EXT1: variants seen among roughly 807,000 people sequenced by gnomAD.
EXT1 encodes exostosin glycosyltransferase 1.
A neutral mutation model predicts 82.5 loss-of-function variants in EXT1; 20 were observed. That is an observed-to-expected ratio of 0.24 (90% CI 0.17 to 0.35). The LOEUF (loss-of-function observed/expected upper bound fraction) is 0.35, where lower values mean the gene tolerates loss of function less well. Among genes scored for constraint, EXT1 ranks in the 10% least tolerant of loss-of-function variants. The pLI is 1.00. For synonymous variants in EXT1, 348 were observed against 350.8 expected (o/e 0.99, Z 0.09); for missense variants, 757 against 936.5 (o/e 0.81, Z 2.50).
chr8:118,032,705 T>C (rs1006510031), intron 1 of EXT1, among the ~76,000 whole-genome samples: 9 of 151,970 alleles, frequency 5.9e-5, no homozygotes, highest in African/African-American at 1.9e-4. Flanking sequence ...GGACGAGGTT[T>C]CTCCACGTTG....
chr8:117,954,198 C>A (rs978575306), intron 1 of EXT1, among the ~76,000 whole-genome samples: 1 of 152,186 alleles, frequency 6.6e-6, no homozygotes, highest in East Asian at 1.9e-4. Flanking sequence ...CTCTGACTGC[C>A]CCTCAGGGGA....
intron 1 of EXT1, among the ~76,000 whole-genome samples, chr8:117,958,204 G>A (rs10808490): frequency 0.017 from 2,575 of 152,132 alleles, 70 homozygotes; most frequent in African/African-American, 0.056. Context: ...GAATGCCTCA[G>A]GACTTTTCTC....
intron 1 of EXT1, among the ~76,000 whole-genome samples, chr8:117,962,871 G>A (rs1300236797): frequency 6.6e-6 from 1 of 151,756 alleles, no homozygotes; most frequent in African/African-American, 2.4e-5. Flanking sequence ...GGCTGCAGTG[G>A]GCTGTAATTG....
chr8:117,948,601 T>A (rs913161040), intron 1 of EXT1, among the ~76,000 whole-genome samples: 1 of 152,226 alleles, frequency 6.6e-6, no homozygotes, highest in Non-Finnish European at 1.5e-5. Flanking sequence ...GAAATTTGTA[T>A]AGGAAATCCT....
chr8:118,065,834 T>C (rs112741203), intron 1 of EXT1, among the ~76,000 whole-genome samples: 32 of 152,246 alleles, frequency 2.1e-4, no homozygotes, highest in African/African-American at 5.1e-4. Flanking sequence ...AATCTTCCAC[T>C]GCACAGCAGA....
At chr8:117,930,549 T>A (rs547726119) in intron 1 of EXT1, among the ~76,000 whole-genome samples, 1 of 152,274 alleles carries the variant, frequency 6.6e-6, no homozygotes, top group East Asian at 1.9e-4. Context: ...GCTAGAGTGA[T>A]GTGGGAGAGG....
chr8:117,836,246 C>G (rs993123811), intron 2 of EXT1, among the ~76,000 whole-genome samples: 2 of 152,068 alleles, frequency 1.3e-5, no homozygotes, highest in Admixed American at 1.3e-4. Flanking sequence ...ATGCAGCATC[C>G]CAGGAGGCTA....
chr8:117,930,439 A>G (rs1814036948), intron 1 of EXT1, among the ~76,000 whole-genome samples: 1 of 152,224 alleles, frequency 6.6e-6, no homozygotes, highest in African/African-American at 2.4e-5. Context: ...ACTCAAAGAC[A>G]TAAAGACTTC....
intron 1 of EXT1, among the ~76,000 whole-genome samples, chr8:118,108,183 T>G (rs1341690105): frequency 6.6e-6 from 1 of 152,218 alleles, no homozygotes; most frequent in South Asian, 2.1e-4. Flanking sequence ...AGAAACGTAA[T>G]ATTTATTTTG....
At chr8:118,058,262 A>C (rs1277278758) in intron 1 of EXT1, among the ~76,000 whole-genome samples, 1 of 152,174 alleles carries the variant, frequency 6.6e-6, no homozygotes, top group Non-Finnish European at 1.5e-5. Context: ...AAAGTAATAT[A>C]CTTTATATTG....
chr8:117,931,445 A>G (rs932628532), intron 1 of EXT1, among the ~76,000 whole-genome samples: 1 of 146,412 alleles, frequency 6.8e-6, no homozygotes, highest in African/African-American at 2.5e-5. Context: ...TGATATATAT[A>G]TTTTGTGTGG....
At chr8:117,817,059 T>C (rs1448475795) in intron 7 of EXT1, among the ~76,000 whole-genome samples, 2 of 152,188 alleles carry the variant, frequency 1.3e-5, no homozygotes, top group Non-Finnish European at 2.9e-5. Context: ...GAGAGAGGCA[T>C]GTGATTATTC....
intron 1 of EXT1, among the ~76,000 whole-genome samples, chr8:117,965,392 C>G (rs1814788195): frequency 6.6e-6 from 1 of 151,892 alleles, no homozygotes. Flanking sequence ...GGAATATTCC[C>G]TTAGCATCAG....
At chr8:117,954,018 T>G (rs1773128691) in intron 1 of EXT1, among the ~76,000 whole-genome samples, 1 of 152,248 alleles carries the variant, frequency 6.6e-6, no homozygotes, top group Admixed American at 6.5e-5. Context: ...ACTCATCCGG[T>G]TCTCACAATA....
intron 1 of EXT1, among the ~76,000 whole-genome samples, chr8:117,860,675 A>G (rs1275734817): frequency 6.6e-6 from 1 of 152,232 alleles, no homozygotes; most frequent in Non-Finnish European, 1.5e-5. Context: ...TTCTTAAATT[A>G]ATTGCCAACA....
intron 1 of EXT1, among the ~76,000 whole-genome samples, chr8:117,840,231 C>T (rs1375296388): frequency 1.3e-5 from 2 of 152,130 alleles, no homozygotes; most frequent in East Asian, 1.9e-4. Context: ...CTCTGCCTTA[C>T]AGGAGCTTTA....
chr8:117,855,382 A>G (rs772234294), intron 1 of EXT1, among the ~76,000 whole-genome samples: 9 of 152,148 alleles, frequency 5.9e-5, no homozygotes, highest in Non-Finnish European at 1.0e-4. Context: ...AATTCTCATA[A>G]TATTTCAAAA....
At chr8:118,050,506 G>A (rs1030207761) in intron 1 of EXT1, among the ~76,000 whole-genome samples, 7 of 152,074 alleles carry the variant, frequency 4.6e-5, no homozygotes, top group South Asian at 2.1e-4. Flanking sequence ...AGCAGGGGTC[G>A]GCAAACTTTT....
At chr8:117,846,615 C>T (rs1812366461) in intron 1 of EXT1, among the ~76,000 whole-genome samples, 1 of 152,142 alleles carries the variant, frequency 6.6e-6, no homozygotes. Flanking sequence ...CAACAGTGAA[C>T]TCAGATGGAT....
Sources: allele counts gnomAD v4.1 joint callset (sites outside exome capture counted in the v4.1 genomes callset), GRCh38; gene constraint gnomAD v4.1.1; transcripts MANE v1.5; gene names NCBI Gene and HGNC (gene_info 2026-07-23, HGNC 2026-07-21).